The following CALN1 variants were observed in gnomAD, a reference collection of about 807,000 sequenced individuals.
The protein encoded by CALN1 is calneuron 1.
In CALN1, 17 loss-of-function variants were observed where a neutral mutation model predicts 30.6. The ratio of observed to expected loss-of-function variants is 0.56; its 90% CI spans 0.38 to 0.83. The LOEUF is 0.83. Ranked by LOEUF, CALN1 falls within the 40% of genes least tolerant of loss-of-function variation. The pLI is 0.00. For synonymous variants in CALN1, 156 were observed against 131.4 expected, an observed-to-expected ratio of 1.19 and a Z score of -1.28; for missense variants, 291 against 354.9, an observed-to-expected ratio of 0.82 and a Z score of 1.45.
chr7:72,338,469 C>CTGTG (rs1562903665), intron 2 of CALN1, among the ~76,000 whole-genome samples: 50 of 41,940 alleles, frequency 1.2e-3, no homozygotes, highest in African/African-American at 3.5e-3. Flanking sequence ...GCCAGCAGCA[C>CTGTG]AGTGTGTGTG....
chr7:72,019,235 G>A (rs2129529901), intron 5 of CALN1, among the ~76,000 whole-genome samples: 1 of 152,198 alleles, frequency 6.6e-6, no homozygotes, highest in South Asian at 2.1e-4. Flanking sequence ...TTGGTTATAG[G>A]TTTCCTCTAA....
chr7:72,501,908 C>CAAAAAAAAAAAAAA, the CALN1 span, among the ~76,000 whole-genome samples: 2 of 24,736 alleles, frequency 8.1e-5, no homozygotes, highest in East Asian at 2.0e-3. Flanking sequence ...GATTTCGTCT[C>CAAAAAAAAAAAAAA]AAAAAAAAAA....
chr7:71,872,619 T>C (rs10950283), intron 5 of CALN1, among the ~76,000 whole-genome samples: 29 of 147,884 alleles, frequency 2.0e-4, no homozygotes, highest in South Asian at 6.5e-4. Context: ...TTTCTTTTTT[T>C]CTTTTTTTTT....
chr7:72,113,363 G>A (rs564054258), intron 3 of CALN1, among the ~76,000 whole-genome samples: 10 of 152,252 alleles, frequency 6.6e-5, no homozygotes, highest in Non-Finnish European at 1.2e-4. Flanking sequence ...CTTTCTCCAC[G>A]GGTAGAAGCA....
At position 72,407,400 on chromosome 7, in the gene CALN1, A is replaced by G. The variant is rs138011710; in HGVS notation, c.-73-3958T>C. On this transcript the variant is annotated intron_variant, in intron 1 of 6. Transcript: ENST00000395275. ...GTCAAACTGTAATCCCCAATGTTGG[A>G]GGTGGGGCCTGGTAACAGGTGACTG... is the stretch of plus-strand genomic sequence containing the variant. Among the ~76,000 whole-genome samples the G allele has an allele frequency of 2.6e-5, 4 of 152,190 alleles. No homozygotes were observed. In the East Asian group the frequency reaches 7.7e-4, roughly 29 times the overall value.
chr7:72,370,870 G>A (rs1025063168), intron 2 of CALN1, among the ~76,000 whole-genome samples: 3 of 151,692 alleles, frequency 2.0e-5, no homozygotes, highest in Non-Finnish European at 4.4e-5. Flanking sequence ...ACATGGTGAA[G>A]CCGCATCTCT....
chr7:72,318,857 A>G (rs1016618494), intron 2 of CALN1, among the ~76,000 whole-genome samples: 2 of 151,556 alleles, frequency 1.3e-5, no homozygotes, highest in African/African-American at 4.8e-5. Context: ...CTATTATTAA[A>G]AAGTCAAAAG....
chr7:72,171,530 A>G (rs1788960225), intron 3 of CALN1, among the ~76,000 whole-genome samples: 2 of 152,202 alleles, frequency 1.3e-5, no homozygotes, highest in Admixed American at 6.5e-5. Flanking sequence ...ATGGCTGACA[A>G]ATGAACAAAT....
intron 2 of CALN1, among the ~76,000 whole-genome samples, chr7:72,368,534 A>G (rs947696248): frequency 6.6e-6 from 1 of 152,106 alleles, no homozygotes; most frequent in Non-Finnish European, 1.5e-5. Context: ...GAGAAATGAA[A>G]ATGTCTACTG....
intron 5 of CALN1, among the ~76,000 whole-genome samples, chr7:71,898,815 A>G (rs1225042724): frequency 1.3e-5 from 2 of 152,216 alleles, no homozygotes; most frequent in Non-Finnish European, 2.9e-5. Flanking sequence ...CCAGATAGAG[A>G]AGACTCATCT....
chr7:72,113,380 G>A (rs905183655), intron 3 of CALN1, among the ~76,000 whole-genome samples: 1 of 152,142 alleles, frequency 6.6e-6, no homozygotes, highest in Non-Finnish European at 1.5e-5. Context: ...AGCATCCTGA[G>A]GTCCTCACCA....
chr7:72,467,754 A>G, the CALN1 span, among the ~76,000 whole-genome samples: 18 of 152,174 alleles, frequency 1.2e-4, no homozygotes, highest in Admixed American at 5.2e-4. Context: ...TAAAATTCAC[A>G]TGATGAAATT....
rs980563822 is a variant in CALN1 at position 72,088,745 on chromosome 7, G to A, written c.388+17406C>T. Reference sequence around the variant, plus strand: ...AAAGAAGAAAGAAGAAGGAAGGAAGGGAAGGAAGGAAGAGAAGGAAGAGAA... The same window carrying A: ...AAAGAAGAAAGAAGAAGGAAGGAAGAGAAGGAAGGAAGAGAAGGAAGAGAA... On this transcript the variant is annotated intron_variant, in intron 4 of 6. Coordinates refer to ENST00000395275, the MANE Select transcript of CALN1 (RefSeq NM_031468.4). Among the ~76,000 whole-genome samples, 3 of 147,868 alleles carry A rather than the reference G, an allele frequency of 2.0e-5. No homozygotes were observed. The Admixed American group carries it at 2.1e-4, about 10-fold the overall frequency.
At chr7:71,843,256 C>T (rs957599657) in intron 5 of CALN1, among the ~76,000 whole-genome samples, 3 of 152,114 alleles carry the variant, frequency 2.0e-5, no homozygotes, top group Non-Finnish European at 4.4e-5. Context: ...TGCAATGGAG[C>T]ACCATCTTGA....
chr7:72,056,079 A>G (rs1312512208), intron 4 of CALN1, among the ~76,000 whole-genome samples: 1 of 152,192 alleles, frequency 6.6e-6, no homozygotes, highest in Non-Finnish European at 1.5e-5. Flanking sequence ...CTTTAGTGAT[A>G]TATTTTTAAA....
intron 3 of CALN1, among the ~76,000 whole-genome samples, chr7:72,248,667 G>C (rs989663307): frequency 1.3e-5 from 2 of 151,822 alleles, no homozygotes; most frequent in African/African-American, 4.8e-5. Context: ...TCCTAATGTA[G>C]TCACATCTGC....
chr7:72,045,941 G>C (rs966928665), intron 4 of CALN1, among the ~76,000 whole-genome samples: 1 of 148,132 alleles, frequency 6.8e-6, no homozygotes, highest in South Asian at 2.2e-4. Flanking sequence ...AGAGGTTGCA[G>C]TGAGCTGAGA....
At chr7:72,347,177 T>C (rs901582518) in intron 2 of CALN1, among the ~76,000 whole-genome samples, 6 of 152,088 alleles carry the variant, frequency 3.9e-5, no homozygotes, top group African/African-American at 1.2e-4. Flanking sequence ...ATACGTGCAA[T>C]GAAATCCACA....
intron 2 of CALN1, among the ~76,000 whole-genome samples, chr7:72,387,856 G>C (rs1805332001): frequency 6.6e-6 from 1 of 152,160 alleles, no homozygotes; most frequent in South Asian, 2.1e-4. Context: ...GAAGTTGAAA[G>C]TAGAACAGTG....
Sources: gnomAD v4.1 joint callset for allele counts (sites outside exome capture counted in the v4.1 genomes callset) on GRCh38, gnomAD v4.1.1 for gene constraint, MANE v1.5 for transcripts, NCBI Gene and HGNC (gene_info 2026-07-23, HGNC 2026-07-21) for gene names.